The following MORN5 variants were observed in gnomAD, a reference collection of about 807,000 sequenced individuals.
MORN5 encodes MORN repeat-containing protein 5.
A neutral mutation model predicts 22.1 loss-of-function variants in MORN5; 21 were observed. That is an observed-to-expected ratio of 0.95 (90% confidence interval 0.67 to 1.37). The LOEUF (loss-of-function observed/expected upper bound fraction) is 1.37, where lower values mean the gene tolerates loss of function less well. MORN5 is among the 40% of genes most tolerant of loss of function. The pLI is 0.00. For missense variants in MORN5, 211 were observed against 215.1 expected (o/e 0.98, Z 0.12); for synonymous variants, 73 against 74.0 (o/e 0.99, Z 0.07).
At chr9:122,187,322 G>A (rs2039196) in intron 4 of MORN5, among the ~76,000 whole-genome samples, 33,274 of 152,128 alleles carry the variant, frequency 0.22, 4,444 homozygotes, top group East Asian at 0.62. Flanking sequence ...TTTCAAGACT[G>A]GACTAGAGGT....
chr9:122,182,620 G>A (rs1183317022), intron 4 of MORN5, among the ~76,000 whole-genome samples: 4 of 152,216 alleles, frequency 2.6e-5, no homozygotes, highest in South Asian at 2.1e-4. Flanking sequence ...GCATGGTGGC[G>A]CACACCTGTA....
At position 122,169,715 on chromosome 9, in the gene MORN5, G is replaced by A. The variant is rs763956851; in HGVS notation, c.266G>A (p.Arg89Gln). The change falls in exon 3 of 5, where the codon CGG becomes CAG. Residue 89 changes from arginine to glutamine, a missense_variant. Arg to Gln is a conservative substitution (Grantham distance 43). Transcript: ENST00000373764. ...KNWHYCDGYD[R>Q]RFYTEILNGL... Reference sequence around the variant, plus strand: ...TGGCATTACTGCGACGGCTATGATCGGAGGTTTTACACAGAGATCCTCAAT... The same window carrying A: ...TGGCATTACTGCGACGGCTATGATCAGAGGTTTTACACAGAGATCCTCAAT... 84 of 1,613,918 alleles carry A rather than the reference G, an allele frequency of 5.2e-5. No homozygotes were observed. The highest frequency in any genetic ancestry group is 1.8e-4 in the Admixed American group (11 of 59,984).
intron 3 of MORN5, among the ~76,000 whole-genome samples, chr9:122,170,939 C>G (rs1260896260): frequency 6.6e-6 from 1 of 151,994 alleles, no homozygotes; most frequent in African/African-American, 2.4e-5. Context: ...AACAAACCTG[C>G]ACATTCTGCA....
chr9:122,175,941 C>T (rs920936668), intron 4 of MORN5, among the ~76,000 whole-genome samples: 20 of 151,720 alleles, frequency 1.3e-4, no homozygotes, highest in Non-Finnish European at 2.7e-4. Flanking sequence ...GGTGAAACCC[C>T]GTCTCTACTA....
At chr9:122,185,784 A>G (rs1035415769) in intron 4 of MORN5, among the ~76,000 whole-genome samples, 5 of 152,184 alleles carry the variant, frequency 3.3e-5, no homozygotes, top group African/African-American at 9.7e-5. Context: ...AACCCCACAC[A>G]GACTGTCTGT....
intron 2 of MORN5, among the ~76,000 whole-genome samples, chr9:122,167,883 C>T (rs1479450725): frequency 6.6e-6 from 1 of 152,208 alleles, no homozygotes; most frequent in East Asian, 1.9e-4. Context: ...GCCTGCATTC[C>T]TTGGCTCATG....
intron 4 of MORN5, among the ~76,000 whole-genome samples, chr9:122,190,673 G>C (rs1031585265): frequency 1.2e-4 from 18 of 152,256 alleles, no homozygotes; most frequent in African/African-American, 4.3e-4. Context: ...AAAAGCCGGA[G>C]CAGGCCCAAG....
At chr9:122,166,998 G>C in intron 2 of MORN5, 83 bp downstream of exon 2, 2 of 1,333,244 alleles carry the variant, frequency 1.5e-6, no homozygotes, top group Non-Finnish European at 2.1e-6. Flanking sequence ...CATCCTCCCT[G>C]TCTGGTGCCC....
chr9:122,164,933 A>T (rs1465258144), intron 1 of MORN5, among the ~76,000 whole-genome samples: 1 of 152,174 alleles, frequency 6.6e-6, no homozygotes, highest in Non-Finnish European at 1.5e-5. Flanking sequence ...TGTTTCCTTC[A>T]TTCTTTACTC....
At chr9:122,186,026 G>T (rs1200894939) in intron 4 of MORN5, among the ~76,000 whole-genome samples, 1 of 152,214 alleles carries the variant, frequency 6.6e-6, no homozygotes, top group Non-Finnish European at 1.5e-5. Flanking sequence ...TATCTGCGGT[G>T]TTGTTAGCAG....
intron 4 of MORN5, among the ~76,000 whole-genome samples, chr9:122,185,487 A>G (rs777052200): frequency 1.3e-4 from 18 of 143,970 alleles, no homozygotes; most frequent in Non-Finnish European, 2.6e-4. Context: ...TGGCCTCCCA[A>G]AGTGCTGGGA....
chr9:122,161,288 T>C (rs1453760486), intron 1 of MORN5, among the ~76,000 whole-genome samples: 2 of 152,180 alleles, frequency 1.3e-5, no homozygotes, highest in African/African-American at 2.4e-5. Flanking sequence ...AGGAGATAGA[T>C]TCCTAGAGAG....
At chr9:122,169,557 A>G (rs1829336834) in intron 2 of MORN5, 88 bp from the exon 3 acceptor site, 1 of 825,210 alleles carries the variant, frequency 1.2e-6, no homozygotes, top group African/African-American at 1.7e-5. Flanking sequence ...CAGCCATCAG[A>G]AAGGCCCCCA....
rs192055833 is a variant in MORN5, at chr9:122,198,909, A to G, written c.440-976A>G. On this transcript the variant is annotated intron_variant, in intron 4 of 4. Coordinates refer to ENST00000373764, the MANE Select transcript of MORN5 (RefSeq NM_198469.4). ...CCACAGCACAATGCCATTTCTGTAA[A>G]TTAAAAACACATTTGTACACAAAAC... 1.1e-4 allele frequency among the ~76,000 whole-genome samples: 16 copies of G among 152,364 alleles called. No individual in the cohort carries two copies. The East Asian group carries it at 3.1e-3, about 29-fold the overall frequency.
intron 4 of MORN5, among the ~76,000 whole-genome samples, chr9:122,196,731 G>A (rs1556212): frequency 0.023 from 3,529 of 152,300 alleles, 120 homozygotes; most frequent in African/African-American, 0.076. Context: ...TCATCCCACT[G>A]TGCAGGGCTA....
intron 3 of MORN5, among the ~76,000 whole-genome samples, chr9:122,171,946 CTTTTTTTTTT>C (rs71371928): frequency 5.1e-5 from 3 of 58,572 alleles, no homozygotes; most frequent in African/African-American, 1.2e-4. Context: ...TCACTTCCAT[CTTTTTTTTTT>C]TTTTTTTTTT....
chr9:122,183,782 A>G (rs1829570596), intron 4 of MORN5, among the ~76,000 whole-genome samples: 1 of 152,244 alleles, frequency 6.6e-6, no homozygotes, highest in Non-Finnish European at 1.5e-5. Context: ...CCACCGCTTA[A>G]TCGTGCTGCT....
chr9:122,194,453 G>A (rs1046270021), intron 4 of MORN5, among the ~76,000 whole-genome samples: 14 of 152,246 alleles, frequency 9.2e-5, no homozygotes, highest in African/African-American at 3.1e-4. Context: ...ATAAAATGAA[G>A]ACAAGATGGG....
At chr9:122,178,089 G>C (rs1382108566) in intron 4 of MORN5, among the ~76,000 whole-genome samples, 1 of 152,268 alleles carries the variant, frequency 6.6e-6, no homozygotes, top group African/African-American at 2.4e-5. Context: ...GCCAGGCATG[G>C]TGGCTTGCGC....
Sources: allele counts gnomAD v4.1 joint callset (sites outside exome capture counted in the v4.1 genomes callset), GRCh38; gene constraint gnomAD v4.1.1; transcripts MANE v1.5; gene names NCBI Gene and HGNC (gene_info 2026-07-23, HGNC 2026-07-21).